The following DNAH12 variants were observed in gnomAD, a reference collection of about 807,000 sequenced individuals.
DNAH12 encodes axonemal beta dynein heavy chain 12.
Under a neutral mutation model 371.5 loss-of-function variants are expected in DNAH12, and 285 were observed. The ratio of observed to expected loss-of-function variants is 0.77; its 90% confidence interval spans 0.70 to 0.85. The LOEUF is 0.85. DNAH12 is among the 40% of genes least tolerant of loss of function. The probability of loss-of-function intolerance (pLI) is 0.00; values close to 1 mark genes in which losing one functional copy is unlikely to be tolerated. For synonymous variants in DNAH12, 1,200 were observed against 1,213.0 expected, an observed-to-expected ratio of 0.99 and a Z score of 0.22; for missense variants, 3,611 against 3,689.4, an observed-to-expected ratio of 0.98 and a Z score of 0.55.
chr3:57,304,198 G>T (rs573543486), intron 69 of DNAH12, among the ~76,000 whole-genome samples: 2 of 152,226 alleles, frequency 1.3e-5, no homozygotes, highest in East Asian at 3.9e-4. Flanking sequence ...GTGCACCCAG[G>T]TGATTAAAAG....
In DNAH12 at chr3:57,433,857, T is replaced by C. The variant is rs1372251455; in HGVS notation, c.4656-29A>G. 4 of 1,470,720 alleles carry C rather than the reference T, an allele frequency of 2.7e-6. No homozygotes were observed. The East Asian group carries it at 7.5e-5, about 27-fold the overall frequency. 91.1% of individuals were successfully genotyped at this position (1,470,720 alleles called of 1,614,324 possible). A position where few individuals can be genotyped will look rare whatever the true frequency, so the allele number is the denominator to read the frequency against. ...TGAAGGAAAAGAAATAATTATACAA[T>C]AAGAGTCTTTAAAGAGTTAAATAAT... On this transcript the variant is annotated intron_variant, in intron 30 of 73. Coordinates refer to ENST00000495027, the MANE Select transcript of DNAH12 (RefSeq NM_001366028.2).
In DNAH12 at chr3:57,310,872, C is replaced by T; in HGVS notation, c.10741G>A (p.Val3581Met). 6.4e-7 allele frequency: 1 copy of T among 1,551,622 alleles called. No homozygotes were observed. Among genetic ancestry groups the T allele is most frequent in the Non-Finnish European group, 8.7e-7 (1 of 1,146,924 alleles). The change falls in exon 67 of 74, where the codon GTG (valine) becomes ATG (methionine). Residue 3581 changes from valine to methionine, a missense_variant. Val to Met is a conservative substitution (Grantham distance 21). Around this residue, in one of 3 missense-constraint regions of DNAH12, gnomAD observed 2,266 missense variants for 2,236.9 expected, o/e 1.01. Coordinates refer to ENST00000495027, the MANE Select transcript of DNAH12 (RefSeq NM_001366028.2). ...AGACGTCTGTCCCAATCGTCTGTCA[C>T]TCTTCCTCCATAATTACACTCCCCA... Reference protein sequence around the residue: ...LTGECNYGGRVTDDWDRRLLL... With the variant: ...LTGECNYGGRMTDDWDRRLLL...
intron 2 of DNAH12, among the ~76,000 whole-genome samples, chr3:57,542,163 G>GC (rs1559767451): frequency 7.7e-6 from 1 of 129,044 alleles, no homozygotes; most frequent in African/African-American, 3.4e-5. Context: ...ACTGGGGGGG[G>GC]GGGGGGCGGT....
chr3:57,386,288 T>C (rs1031587086), intron 47 of DNAH12, among the ~76,000 whole-genome samples, 153 bp downstream of exon 47: 3 of 152,176 alleles, frequency 2.0e-5, no homozygotes, highest in Admixed American at 6.5e-5. Flanking sequence ...GTCCACCTTA[T>C]AGAGTTGTTA....
chr3:57,542,221 A>G (rs1203421876), intron 2 of DNAH12, among the ~76,000 whole-genome samples: 1 of 151,604 alleles, frequency 6.6e-6, no homozygotes, highest in Admixed American at 6.6e-5. Context: ...AAAATTTCAA[A>G]TATAAGTAGT....
chr3:57,436,099 T>C (rs2153367204), intron 30 of DNAH12, among the ~76,000 whole-genome samples: 1 of 152,020 alleles, frequency 6.6e-6, no homozygotes, highest in African/African-American at 2.4e-5. Context: ...AGAATTAAAC[T>C]GGAAAGCCCC....
intron 14 of DNAH12, among the ~76,000 whole-genome samples, chr3:57,471,821 T>G (rs1162743176): frequency 6.6e-6 from 1 of 152,192 alleles, no homozygotes; most frequent in Non-Finnish European, 1.5e-5. Context: ...ACAACTTGTA[T>G]TCATTAATTA....
At chr3:57,333,814 T>C (rs2062163001) in intron 62 of DNAH12, among the ~76,000 whole-genome samples, 4 of 152,170 alleles carry the variant, frequency 2.6e-5, no homozygotes, top group Admixed American at 2.0e-4. Context: ...ATGTCCAGTA[T>C]CCAATCAGAC....
At position 57,502,436 on chromosome 3, in the gene DNAH12, G is replaced by T. The variant is rs1237979884; in HGVS notation, c.1130C>A (p.Pro377Gln). 1.9e-6 allele frequency: 3 copies of T among 1,613,948 alleles called. No homozygotes were observed. The highest frequency in any genetic ancestry group is 2.5e-6 in the Non-Finnish European group (3 of 1,180,032). Residue 377 changes from proline (P) to glutamine (Q), a missense_variant, in exon 10 of 74, where the codon CCA (proline) becomes CAA (glutamine). Pro to Gln is a moderately conservative substitution (Grantham distance 76). This residue lies in a region of DNAH12 where 1,314 missense variants were observed against 1,398.7 expected (regional missense o/e 0.94). Coordinates refer to ENST00000495027, the MANE Select transcript of DNAH12 (RefSeq NM_001366028.2). Reference sequence around the variant, plus strand: ...AGGAAGTTCTGTGTCAAGATTTACTGGTGTTGAAGTTCCTGATAGCCAAGA... The same window carrying T: ...AGGAAGTTCTGTGTCAAGATTTACTTGTGTTGAAGTTCCTGATAGCCAAGA... ...IPSWLSGTST[P>Q]VNLDTELPEH...
intron 62 of DNAH12, among the ~76,000 whole-genome samples, chr3:57,332,327 A>G (rs570100096): frequency 6.6e-6 from 1 of 152,314 alleles, no homozygotes; most frequent in South Asian, 2.1e-4. Flanking sequence ...TAAAATTGTG[A>G]CATGTACAAA....
At chr3:57,441,317 A>C (rs1381774395) in intron 29 of DNAH12, among the ~76,000 whole-genome samples, 1 of 152,198 alleles carries the variant, frequency 6.6e-6, no homozygotes, top group Non-Finnish European at 1.5e-5. Context: ...CCAAAGAAAG[A>C]ACCACTAACC....
chr3:57,455,002 G>A, intron 22 of DNAH12, 108 bp from the exon 23 acceptor site: 1 of 1,142,672 alleles, frequency 8.8e-7, no homozygotes, highest in Non-Finnish European at 1.2e-6. Flanking sequence ...AGGCTAGAAT[G>A]TCATATAGTC....
In DNAH12 at chr3:57,299,991, A is replaced by G. The variant is rs548381221; in HGVS notation, c.11394+1744T>C. Among the ~76,000 whole-genome samples the G allele has an allele frequency of 2.6e-5, 4 of 152,320 alleles. No homozygotes were observed. In the South Asian group the frequency reaches 8.3e-4, roughly 32 times the overall value. Reference sequence around the variant, plus strand: ...TTCTGAAAAATGTCTAATTACAGACAATCCACTAGCACATCTTGTTTCCAA... The same window carrying G: ...TTCTGAAAAATGTCTAATTACAGACGATCCACTAGCACATCTTGTTTCCAA... On this transcript the variant is annotated intron_variant, in intron 70 of 73. Transcript: ENST00000495027.
At position 57,429,770 on chromosome 3, in the gene DNAH12, CA is replaced by C; in HGVS notation, c.4984del (p.Cys1662AlafsTer3). 1 of 1,506,014 alleles carries C rather than the reference CA, an allele frequency of 6.6e-7. No individual in the cohort carries two copies. The highest frequency in any genetic ancestry group is 8.8e-7 in the Non-Finnish European group (1 of 1,133,090). The allele number at this position is 1,506,014 out of a possible 1,614,324, so 93.3% of individuals were successfully genotyped here. ...CTGAATGATTTCTCCACTCATAAGGCAAAGCTAAAAGCAATTATTTTTCAAA... is the reference window on the plus strand; with the variant it reads ...CTGAATGATTTCTCCACTCATAAGGCAAGCTAAAAGCAATTATTTTTCAAA... ...NTVLDDNKKL[C>X]LMSGEIIQMS... On this transcript the variant is annotated frameshift_variant, in exon 33 of 74. Transcript: ENST00000495027. LOFTEE classifies it high-confidence loss of function.
chr3:57,337,270 G>A (rs1177974742), intron 60 of DNAH12, among the ~76,000 whole-genome samples: 1 of 152,190 alleles, frequency 6.6e-6, no homozygotes, highest in Non-Finnish European at 1.5e-5. Flanking sequence ...ACTTTAGGAG[G>A]CCATAGGCAG....
intron 15 of DNAH12, 122 bp from the exon 16 acceptor site, chr3:57,470,758 G>T: frequency 3.6e-6 from 3 of 841,114 alleles, no homozygotes; most frequent in Non-Finnish European, 3.5e-6. Context: ...TTAGGCTGGA[G>T]TGCAGTGGCG....
rs916811290 is a variant in DNAH12, at chr3:57,419,502, C to T, written c.5579G>A (p.Arg1860His). ...AATTAATTCATTCCAATGGACCCAG[C>T]GACCTTTGTTTTTCAACTACAAGAA... ...DYMYELKNKG[R>H]WVHWNELIKN... Residue 1860 changes from arginine to histidine, a missense_variant, in exon 37 of 74, where the codon CGC (arginine) becomes CAC (histidine). By Grantham distance (29) the Arg-to-His change is conservative. Coordinates refer to ENST00000495027, the MANE Select transcript of DNAH12 (RefSeq NM_001366028.2). 1.7e-5 allele frequency: 24 copies of T among 1,431,992 alleles called. No homozygotes were observed. The Admixed American group carries it at 2.0e-4, about 12-fold the overall frequency. 88.7% of individuals were successfully genotyped at this position (1,431,992 alleles called of 1,614,324 possible).
chr3:57,352,416 G>A (rs953786343), intron 59 of DNAH12, among the ~76,000 whole-genome samples, 191 bp from the exon 60 acceptor site: 32 of 151,982 alleles, frequency 2.1e-4, no homozygotes, highest in Admixed American at 7.9e-4. Context: ...TCAGTTTCTC[G>A]GTTGTACTAT....
chr3:57,309,957 T>C (rs1161590580), intron 67 of DNAH12, 103 bp from the exon 68 acceptor site: 1 of 997,914 alleles, frequency 1.0e-6, no homozygotes, highest in Non-Finnish European at 1.4e-6. Context: ...ATAGGGGTTA[T>C]GTGAGTTGAA....
Sources: allele counts gnomAD v4.1 joint callset (sites outside exome capture counted in the v4.1 genomes callset), GRCh38; gene constraint gnomAD v4.1.1; regional missense constraint gnomAD v4.1.1; transcripts MANE v1.5; gene names NCBI Gene and HGNC (gene_info 2026-07-23, HGNC 2026-07-21).